GPM6A: variants seen among roughly 807,000 people sequenced by gnomAD.
GPM6A encodes the protein glycoprotein M6A.
A neutral mutation model predicts 32.1 loss-of-function variants in GPM6A; 7 were observed. The ratio of observed to expected loss-of-function variants is 0.22; its 90% CI spans 0.12 to 0.41. The LOEUF (loss-of-function observed/expected upper bound fraction) is 0.41. GPM6A is among the 10% of genes least tolerant of loss of function. The probability of loss-of-function intolerance (pLI) is 1.00; values close to 1 mark genes in which losing one functional copy is unlikely to be tolerated. For synonymous variants in GPM6A, 130 were observed against 123.4 expected (o/e 1.05, Z -0.35); for missense variants, 235 against 347.2 (o/e 0.68, Z 2.57).
chr4:175,675,426 A>T (rs1172177275), intron 2 of GPM6A, among the ~76,000 whole-genome samples: 1 of 152,098 alleles, frequency 6.6e-6, no homozygotes, highest in African/African-American at 2.4e-5. Flanking sequence ...AATTATATAC[A>T]TTTCTTTGGA....
intron 2 of GPM6A, among the ~76,000 whole-genome samples, chr4:175,674,070 G>T (rs1158665330): frequency 6.6e-6 from 1 of 152,160 alleles, no homozygotes; most frequent in African/African-American, 2.4e-5. Flanking sequence ...ATGTTTGTCA[G>T]TTTCTTCTTC....
chr4:175,700,871 A>G (rs887090226), intron 2 of GPM6A, among the ~76,000 whole-genome samples: 1 of 152,214 alleles, frequency 6.6e-6, no homozygotes, highest in African/African-American at 2.4e-5. Flanking sequence ...CTAGAATTCA[A>G]TCCCAAACCT....
chr4:175,797,906 G>C (rs1041098368), intron 1 of GPM6A, among the ~76,000 whole-genome samples: 3 of 152,002 alleles, frequency 2.0e-5, no homozygotes, highest in Non-Finnish European at 4.4e-5. Context: ...AAGCTACCAG[G>C]GTTTTTAACC....
chr4:175,843,931 T>G (rs557715101), intron 1 of GPM6A, among the ~76,000 whole-genome samples: 1 of 152,290 alleles, frequency 6.6e-6, no homozygotes, highest in South Asian at 2.1e-4. Context: ...GCAGGCATCC[T>G]GATAAATCAG....
intron 1 of GPM6A, among the ~76,000 whole-genome samples, chr4:175,905,038 T>C (rs548578277): frequency 7.3e-5 from 11 of 151,266 alleles, no homozygotes; most frequent in African/African-American, 2.4e-4. Flanking sequence ...AAGTCCTTCA[T>C]AGAAAAAAAG....
chr4:175,782,336 A>T (rs1406079090), intron 1 of GPM6A, among the ~76,000 whole-genome samples: 1 of 151,946 alleles, frequency 6.6e-6, no homozygotes, highest in Non-Finnish European at 1.5e-5. Flanking sequence ...ATCTACTTTC[A>T]CCCTTCAAAA....
chr4:175,808,425 A>G (rs1238881188), intron 1 of GPM6A, among the ~76,000 whole-genome samples: 2 of 152,180 alleles, frequency 1.3e-5, no homozygotes, highest in Non-Finnish European at 2.9e-5. Flanking sequence ...AAACAAAGAA[A>G]ATAAACCTGT....
intron 2 of GPM6A, among the ~76,000 whole-genome samples, chr4:175,685,318 C>G (rs984366828): frequency 2.0e-5 from 3 of 152,176 alleles, no homozygotes; most frequent in Admixed American, 6.5e-5. Flanking sequence ...TTTTGATAAT[C>G]CTCAACAAGA....
At chr4:175,942,606 T>C (rs1429604587) in intron 1 of GPM6A, among the ~76,000 whole-genome samples, 1 of 152,230 alleles carries the variant, frequency 6.6e-6, no homozygotes, top group African/African-American at 2.4e-5. Flanking sequence ...GCTAGCCAGT[T>C]TTCCCAACAC....
chr4:175,860,087 A>G (rs549894041), intron 1 of GPM6A, among the ~76,000 whole-genome samples: 1 of 152,128 alleles, frequency 6.6e-6, no homozygotes, highest in South Asian at 2.1e-4. Flanking sequence ...TTCATATATT[A>G]AAAAAGAAGA....
intron 1 of GPM6A, among the ~76,000 whole-genome samples, chr4:175,998,279 G>A (rs1481382426): frequency 2.6e-5 from 4 of 151,874 alleles, no homozygotes; most frequent in African/African-American, 4.8e-5. Flanking sequence ...TCAGCTTCCC[G>A]AGTAGCTGGG....
intron 1 of GPM6A, among the ~76,000 whole-genome samples, chr4:175,817,451 C>T (rs369322342): frequency 6.6e-6 from 1 of 152,200 alleles, no homozygotes; most frequent in Non-Finnish European, 1.5e-5. Context: ...CCAAATATCA[C>T]AACGCTGAAT....
rs188174329 is a variant in GPM6A, at chr4:175,676,746, A to G, written c.231-2910T>C. 3.9e-5 allele frequency among the ~76,000 whole-genome samples: 6 copies of G among 152,336 alleles called. No homozygotes were observed. The East Asian group carries it at 9.6e-4, about 24-fold the overall frequency. Reference sequence around the variant, plus strand: ...GAGAAACAAAGTGAGAACCTATCTAAATGTAAAAAATGTGAAAGGAAAAAA... The same window carrying G: ...GAGAAACAAAGTGAGAACCTATCTAGATGTAAAAAATGTGAAAGGAAAAAA... On this transcript the variant is annotated intron_variant, in intron 2 of 6. Transcript: ENST00000393658.
intron 1 of GPM6A, among the ~76,000 whole-genome samples, chr4:175,930,299 T>G (rs1404870189): frequency 1.3e-5 from 2 of 152,092 alleles, no homozygotes; most frequent in Admixed American, 1.3e-4. Flanking sequence ...ATAGTCAAGA[T>G]TACTTCCATG....
intron 4 of GPM6A, among the ~76,000 whole-genome samples, chr4:175,644,944 T>TA (rs35716170): frequency 2.0e-5 from 3 of 151,660 alleles, no homozygotes; most frequent in Non-Finnish European, 2.9e-5. Context: ...CCGTCTCTAC[T>TA]AAAAAAATAC....
chr4:175,776,623 G>A (rs767553937), intron 1 of GPM6A, among the ~76,000 whole-genome samples: 10 of 152,140 alleles, frequency 6.6e-5, no homozygotes, highest in African/African-American at 2.4e-4. Context: ...TTCATGAACA[G>A]GCAAAGTAAG....
In GPM6A at chr4:175,870,457, C is replaced by G. The variant is rs547409332; in HGVS notation, c.-22-58208G>C. On this transcript the variant is annotated intron_variant, in intron 1 of 7. Transcript: ENST00000280187. ...TATTACGTACCTACTATGTGACAGG[C>G]ACTATGCCAAATACAGAGGATACAA... Among the ~76,000 whole-genome samples, 39 of 152,228 alleles carry G rather than the reference C, an allele frequency of 2.6e-4. 2 individuals carry two copies. Among genetic ancestry groups the G allele is most frequent in the African/African-American group, 8.7e-4 (36 of 41,542 alleles).
intron 2 of GPM6A, among the ~76,000 whole-genome samples, chr4:175,680,164 T>C (rs1743602965): frequency 6.6e-6 from 1 of 152,180 alleles, no homozygotes; most frequent in South Asian, 2.1e-4. Context: ...TATACATATA[T>C]ATACATGTGC....
intron 2 of GPM6A, among the ~76,000 whole-genome samples, chr4:175,681,950 G>C (rs1366771825): frequency 6.6e-6 from 1 of 152,202 alleles, no homozygotes; most frequent in Non-Finnish European, 1.5e-5. Flanking sequence ...AGCAGGCAGA[G>C]GTTGAGAGAG....
Sources: gnomAD v4.1 joint callset for allele counts (sites outside exome capture counted in the v4.1 genomes callset) on GRCh38, gnomAD v4.1.1 for gene constraint, MANE v1.5 for transcripts, NCBI Gene and HGNC (gene_info 2026-07-23, HGNC 2026-07-21) for gene names.